The following RALGAPB variants were observed in gnomAD, a reference collection of about 807,000 sequenced individuals.
RALGAPB encodes ral GTPase-activating protein subunit beta.
RALGAPB carries 25 observed loss-of-function variants against 161.1 expected under a neutral mutation model. The ratio of observed to expected loss-of-function variants is 0.16; its 90% CI spans 0.11 to 0.22. The LOEUF (loss-of-function observed/expected upper bound fraction) is 0.22. Ranked by LOEUF, RALGAPB falls within the 10% of genes least tolerant of loss-of-function variation. The pLI is 1.00. For missense variants in RALGAPB, 1,391 were observed against 1,815.2 expected (o/e 0.77, Z 4.25); for synonymous variants, 629 against 626.1 (o/e 1.00, Z -0.07).
At chr20:38,500,261 T>C (rs2085542969) in intron 5 of RALGAPB, among the ~76,000 whole-genome samples, 1 of 152,066 alleles carries the variant, frequency 6.6e-6, no homozygotes, top group South Asian at 2.1e-4. Context: ...TTTTCCAAAT[T>C]GAAGGGTTGT....
rs757348685 is a variant in RALGAPB, at chr20:38,517,868, C to A, written c.1285C>A (p.Pro429Thr). ...LSSPNQTSSE[P>T]RPLPAPRRPK... The stretch of plus-strand genomic sequence containing the variant: ...AAGTCCAAATCAGACTAGTTCAGAA[C>A]CCCGGCCACTGCCTGCCCCTCGGAG... Residue 429 changes from proline (P) to threonine (T), a missense_variant, in exon 9 of 30, where the codon CCC (proline) becomes ACC (threonine). Physicochemically the swap from Pro to Thr is conservative, Grantham distance 38. Transcript: ENST00000262879. The A allele has an allele frequency of 1.9e-6, 3 of 1,613,788 alleles. No individual in the cohort carries two copies. The highest frequency in any genetic ancestry group is 2.5e-6 in the Non-Finnish European group (3 of 1,179,794).
At chr20:38,573,826 C>G (rs1169894855) in intron 28 of RALGAPB, 1 of 168,554 alleles carries the variant, frequency 5.9e-6, no homozygotes, top group East Asian at 1.6e-4. Flanking sequence ...ATTCTTAACT[C>G]CATGCAGCAG....
At chr20:38,563,038 C>G (rs1203305093) in intron 24 of RALGAPB, among the ~76,000 whole-genome samples, 2 of 152,164 alleles carry the variant, frequency 1.3e-5, no homozygotes, top group African/African-American at 4.8e-5. Context: ...GCATTCCAGC[C>G]TGGGTGACAG....
At chr20:38,476,168 A>G (rs1167277963) in intron 1 of RALGAPB, among the ~76,000 whole-genome samples, 1 of 152,208 alleles carries the variant, frequency 6.6e-6, no homozygotes, top group African/African-American at 2.4e-5. Context: ...CCCAAAGTAA[A>G]GGTGAAAAAT....
At chr20:38,546,702 A>G in intron 19 of RALGAPB, 1 of 387,018 alleles carries the variant, frequency 2.6e-6, no homozygotes, top group Non-Finnish European at 4.7e-6. Flanking sequence ...TGTGTTGTTT[A>G]TCTTTGTCAC....
In RALGAPB at chr20:38,541,191, T is replaced by C. The variant is rs370343635; in HGVS notation, c.2713T>C (p.Cys905Arg). The change falls in exon 18 of 30, where the codon TGC becomes CGC. Residue 905 changes from cysteine (C) to arginine (R), a missense_variant and splice_region_variant. Physicochemically the swap from Cys to Arg is radical, Grantham distance 180. Around this residue, in one of 3 missense-constraint regions of RALGAPB, gnomAD observed 946 missense variants for 1,257.2 expected, o/e 0.75. Coordinates refer to ENST00000262879, the MANE Select transcript of RALGAPB (RefSeq NM_020336.4). ...GGATGCTGCTGAAGCCACCCTAACATGGTATGGAAGTGACCGCACAGGGAT... is the reference window on the plus strand; with the variant it reads ...GGATGCTGCTGAAGCCACCCTAACACGGTATGGAAGTGACCGCACAGGGAT... ...VKDAAEATLT[C>R]IMQLLGAFPS... 5.0e-6 allele frequency: 8 copies of C among 1,613,748 alleles called. No homozygotes were observed. In the African/African-American group the frequency reaches 9.3e-5, roughly 19 times the overall value.
At chr20:38,551,317 A>G (rs1275982381) in intron 21 of RALGAPB, 94 bp downstream of exon 21, 5 of 1,402,234 alleles carry the variant, frequency 3.6e-6, no homozygotes, top group Non-Finnish European at 4.9e-6. Flanking sequence ...GTTGTTGGAG[A>G]TGATTTTTAA....
rs759576029 is a variant in RALGAPB, at chr20:38,574,874, C to T, written c.4392C>T (p.Thr1464=). The T allele has an allele frequency of 3.9e-5, 63 of 1,613,454 alleles. No homozygotes were observed. Among genetic ancestry groups the T allele is most frequent in the Middle Eastern group, 1.6e-4 (1 of 6,084 alleles). Residue 1464 remains threonine, a synonymous_variant, in exon 30 of 30, where the codon ACC becomes ACT. Coordinates refer to ENST00000262879, the MANE Select transcript of RALGAPB (RefSeq NM_020336.4). ...ATGTCCGCCGGAAACAGAAAATCAC[C>T]GACATTGTCAACAAGTACCGGAACA... The part of the protein sequence containing the change: ...PPHVRRKQKI[T]DIVNKYRNKQ...
intron 19 of RALGAPB, chr20:38,548,019 A>G (rs917222027): frequency 7.2e-5 from 11 of 152,242 alleles, no homozygotes; most frequent in African/African-American, 2.7e-4. Flanking sequence ...GTATAGATTT[A>G]CAAGGACATT....
At chr20:38,497,309 T>C (rs781726993) in intron 3 of RALGAPB, 44 bp from the exon 4 acceptor site, 1 of 1,580,886 alleles carries the variant, frequency 6.3e-7, no homozygotes, top group Non-Finnish European at 8.7e-7. Flanking sequence ...GCTGTTGCTG[T>C]CTCTCCTCCA....
chr20:38,574,575 G>T (rs947125674), intron 29 of RALGAPB, among the ~76,000 whole-genome samples, 199 bp from the exon 30 acceptor site: 4 of 152,080 alleles, frequency 2.6e-5, no homozygotes, highest in African/African-American at 7.2e-5. Flanking sequence ...AATAGATTTT[G>T]ATTCTCCTTT....
chr20:38,517,596 C>A lies in RALGAPB; in HGVS notation c.1142C>A (p.Pro381Gln), dbSNP rs746809837. 28 of 1,613,830 alleles carry A rather than the reference C, an allele frequency of 1.7e-5. No homozygotes were observed. The highest frequency in any genetic ancestry group is 2.2e-5 in the Non-Finnish European group (26 of 1,179,968). Residue 381 changes from proline to glutamine, a missense_variant, in exon 8 of 30, where the codon CCA (proline) becomes CAA (glutamine). Transcript: ENST00000262879. Reference sequence around the variant, plus strand: ...AGTGCTGCTGTCAGTACCACCCCCCCACATAACCGGAGGCACCGGGCTGTT... The same window carrying A: ...AGTGCTGCTGTCAGTACCACCCCCCAACATAACCGGAGGCACCGGGCTGTT... Reference protein sequence around the residue: ...PQSAAVSTTPPHNRRHRAVTV... With the variant: ...PQSAAVSTTPQHNRRHRAVTV...
chr20:38,499,530 A>C lies in RALGAPB; in HGVS notation c.637A>C (p.Thr213Pro). Residue 213 changes from threonine (T) to proline (P), a missense_variant, in exon 5 of 30, where the codon ACA (threonine) becomes CCA (proline). Thr to Pro is a conservative substitution (Grantham distance 38). Transcript: ENST00000262879. Reference sequence around the variant, plus strand: ...ACTAGCTTGTACTCGGTGCTTCCCAACACCTCCTTATTGGAAAACAGCCAA... The same window carrying C: ...ACTAGCTTGTACTCGGTGCTTCCCACCACCTCCTTATTGGAAAACAGCCAA... ...WLLACTRCFPTPPYWKTAKEM... is the reference protein window; with the variant it reads ...WLLACTRCFPPPPYWKTAKEM... 1.2e-6 allele frequency: 2 copies of C among 1,613,994 alleles called. No individual in the cohort carries two copies. The highest frequency in any genetic ancestry group is 1.7e-6 in the Non-Finnish European group (2 of 1,179,958).
intron 1 of RALGAPB, among the ~76,000 whole-genome samples, chr20:38,481,659 A>C (rs2084975276): frequency 6.6e-6 from 1 of 152,234 alleles, no homozygotes; most frequent in Admixed American, 6.5e-5. Context: ...GGGGACACAG[A>C]GCCAAACCAT....
Position 38,525,906 on chromosome 20 carries a change from A to G in RALGAPB, c.1914A>G (p.Glu638=). ...FGTVKSEVVL[E]GKFSNDDSSS... Reference sequence around the variant, plus strand: ...TGTTTTTTCCATAGGTGGTCCTGGAAGGAAAGTTTAGTAACGATGACAGCT... The same window carrying G: ...TGTTTTTTCCATAGGTGGTCCTGGAGGGAAAGTTTAGTAACGATGACAGCT... The change falls in exon 13 of 30, where the codon GAA becomes GAG. Residue 638 remains glutamate (E), a synonymous_variant. Transcript: ENST00000262879. 1 of 1,611,876 alleles carries G rather than the reference A, an allele frequency of 6.2e-7. No individual in the cohort carries two copies. Among genetic ancestry groups the G allele is most frequent in the Non-Finnish European group, 8.5e-7 (1 of 1,179,494 alleles).
chr20:38,509,272 C>T, intron 6 of RALGAPB, 64 bp downstream of exon 6: 1 of 1,518,080 alleles, frequency 6.6e-7, no homozygotes, highest in East Asian at 2.3e-5. Context: ...AGGAATCATG[C>T]TGTAAGTCTC....
chr20:38,503,051 C>G (rs1290652605), intron 5 of RALGAPB, among the ~76,000 whole-genome samples: 6 of 152,128 alleles, frequency 3.9e-5, no homozygotes, highest in Non-Finnish European at 8.8e-5. Context: ...ACTTTTGTAC[C>G]AACACAATAT....
intron 16 of RALGAPB, chr20:38,538,125 A>G (rs2086862584): frequency 6.2e-6 from 1 of 162,018 alleles, no homozygotes; most frequent in Non-Finnish European, 1.4e-5. Flanking sequence ...GCTGTGGTTC[A>G]TTATGGAGAG....
At chr20:38,544,528 C>T (rs1041381083) in intron 18 of RALGAPB, among the ~76,000 whole-genome samples, 2 of 152,168 alleles carry the variant, frequency 1.3e-5, no homozygotes, top group Non-Finnish European at 2.9e-5. Flanking sequence ...AGTGCAATGG[C>T]ATGATCTTGA....
Sources: allele counts gnomAD v4.1 joint callset (sites outside exome capture counted in the v4.1 genomes callset), GRCh38; gene constraint gnomAD v4.1.1; regional missense constraint gnomAD v4.1.1; transcripts MANE v1.5; gene names NCBI Gene and HGNC (gene_info 2026-07-23, HGNC 2026-07-21).